Variants in KDM4C observed in about 807,000 individuals in gnomAD.
The protein encoded by KDM4C is lysine-specific demethylase 4C.
A neutral mutation model predicts 129.3 loss-of-function variants in KDM4C; 81 were observed. The ratio of observed to expected loss-of-function variants is 0.63; its 90% CI spans 0.52 to 0.75. KDM4C has a LOEUF of 0.75. Ranked by LOEUF, KDM4C falls within the 30% of genes least tolerant of loss-of-function variation. The pLI is 0.00. For synonymous variants in KDM4C, 573 were observed against 456.1 expected (o/e 1.26, Z -3.26); for missense variants, 1,457 against 1,304.0 (o/e 1.12, Z -1.81).
At chr9:7,074,825 A>T (rs928292941) in intron 17 of KDM4C, among the ~76,000 whole-genome samples, 6 of 152,256 alleles carry the variant, frequency 3.9e-5, no homozygotes, top group African/African-American at 1.4e-4. Flanking sequence ...TCCAGCATGG[A>T]CATGCTGATA....
At chr9:6,748,188 C>A (rs1300948665) in intron 1 of KDM4C, among the ~76,000 whole-genome samples, 1 of 147,770 alleles carries the variant, frequency 6.8e-6, no homozygotes, top group Non-Finnish European at 1.5e-5. Context: ...AACAAACAAA[C>A]AAAAAACAAC....
chr9:7,019,092 A>C (rs1824197380), intron 15 of KDM4C, among the ~76,000 whole-genome samples: 1 of 152,216 alleles, frequency 6.6e-6, no homozygotes, highest in African/African-American at 2.4e-5. Flanking sequence ...TCTGTTGAAA[A>C]AATAATTGAA....
chr9:7,047,103 G>C (rs969660447), intron 16 of KDM4C, among the ~76,000 whole-genome samples, 186 bp downstream of exon 16: 3 of 152,010 alleles, frequency 2.0e-5, no homozygotes, highest in African/African-American at 7.2e-5. Context: ...GGCAGGGCAA[G>C]AGCAGTCCAA....
In KDM4C at chr9:6,849,418, T is replaced by A. The variant is rs570859767; in HGVS notation, c.436-89T>A. 19 of 1,081,860 alleles carry A rather than the reference T, an allele frequency of 1.8e-5. No homozygotes were observed. The South Asian group carries it at 4.0e-4, about 22-fold the overall frequency. 67.0% of individuals were successfully genotyped at this position (1,081,860 alleles called of 1,614,324 possible). A position where few individuals can be genotyped will look rare whatever the true frequency, so the allele number is the denominator to read the frequency against. The stretch of plus-strand genomic sequence containing the variant: ...TAGTTAGAATATACAATGTAATAAT[T>A]TTGGTGGATAGTGGTTTGATTAGTA... On this transcript the variant is annotated intron_variant, in intron 4 of 21. Coordinates refer to ENST00000381309, the MANE Select transcript of KDM4C (RefSeq NM_015061.6).
intron 3 of KDM4C, among the ~76,000 whole-genome samples, chr9:6,806,378 C>T (rs977661033): frequency 2.0e-5 from 3 of 152,036 alleles, no homozygotes; most frequent in Admixed American, 6.6e-5. Context: ...CCTGTAATCC[C>T]AGCTACTCAG....
chr9:6,817,763 CTTTTTTT>C (rs146833868), intron 4 of KDM4C, among the ~76,000 whole-genome samples: 1 of 105,086 alleles, frequency 9.5e-6, no homozygotes, highest in East Asian at 2.6e-4. Context: ...CAGGAATAAC[CTTTTTTT>C]TTTTTTTTTT....
intron 19 of KDM4C, among the ~76,000 whole-genome samples, chr9:7,157,769 A>T (rs902265422): frequency 6.6e-6 from 1 of 152,206 alleles, no homozygotes; most frequent in Non-Finnish European, 1.5e-5. Context: ...TATTTTATTG[A>T]GGATTTTTGC....
intron 1 of KDM4C, among the ~76,000 whole-genome samples, chr9:6,787,162 A>C (rs1485167501): frequency 6.6e-6 from 1 of 152,176 alleles, no homozygotes; most frequent in Non-Finnish European, 1.5e-5. Context: ...GTCTAGGTTT[A>C]ATTCTAGTAG....
intron 8 of KDM4C, among the ~76,000 whole-genome samples, chr9:6,959,458 G>C (rs1202779720): frequency 2.0e-5 from 3 of 152,116 alleles, no homozygotes; most frequent in Admixed American, 6.6e-5. Flanking sequence ...TATTTTAAGT[G>C]TACTCACTCT....
chr9:7,072,844 C>T (rs1833391337), intron 17 of KDM4C, among the ~76,000 whole-genome samples: 1 of 152,122 alleles, frequency 6.6e-6, no homozygotes, highest in Admixed American at 6.5e-5. Flanking sequence ...AATCATTGTA[C>T]ATACTTATGG....
intron 17 of KDM4C, among the ~76,000 whole-genome samples, chr9:7,054,084 A>G (rs1013031547): frequency 2.0e-5 from 3 of 152,226 alleles, no homozygotes; most frequent in Non-Finnish European, 2.9e-5. Flanking sequence ...GGCAAGTCCT[A>G]TTACTGCAAA....
intron 8 of KDM4C, among the ~76,000 whole-genome samples, chr9:6,974,399 G>T: frequency 6.6e-6 from 1 of 152,000 alleles, no homozygotes; most frequent in South Asian, 2.1e-4. Flanking sequence ...TTACTCTGTC[G>T]TCCAGGCTGG....
Position 6,984,389 on chromosome 9 carries a change from C to A in KDM4C, c.1339C>A (p.His447Asn). The change falls in exon 10 of 22, where the codon CAT becomes AAT. Residue 447 changes from histidine (H) to asparagine (N), a missense_variant. Transcript: ENST00000381309. ...RMQVEQNLSD[H>N]IKLSGNSCLS... ...GCAGGTGGAGCAGAATTTATCAGATCATATCAAACTCTCAGGTGAGAAGAT... is the reference window on the plus strand; with the variant it reads ...GCAGGTGGAGCAGAATTTATCAGATAATATCAAACTCTCAGGTGAGAAGAT... 2 of 1,609,234 alleles carry A rather than the reference C, an allele frequency of 1.2e-6. No individual in the cohort carries two copies. Among genetic ancestry groups the A allele is most frequent in the South Asian group, 1.1e-5 (1 of 90,730 alleles).
intron 19 of KDM4C, among the ~76,000 whole-genome samples, chr9:7,130,933 T>G (rs1422729290): frequency 6.6e-6 from 1 of 151,066 alleles, no homozygotes; most frequent in East Asian, 2.0e-4. Flanking sequence ...TAATTTTTTT[T>G]TTTTTTTAAT....
chr9:7,136,804 G>A (rs1165286699), intron 19 of KDM4C, among the ~76,000 whole-genome samples: 1 of 152,118 alleles, frequency 6.6e-6, no homozygotes, highest in Non-Finnish European at 1.5e-5. Context: ...TGTATAAAGA[G>A]CAAAAGTTAT....
rs952059931 is a variant in KDM4C, at chr9:7,003,930, C to T, written c.1787-7768C>T. ...ACCCCACTACACCCCCCATTCCCTG[C>T]AGGATGTTTGAAACCATATATAAAT... On this transcript the variant is annotated intron_variant, in intron 12 of 21. Transcript: ENST00000381309. Among the ~76,000 whole-genome samples, 5 of 152,272 alleles carry T rather than the reference C, an allele frequency of 3.3e-5. 1 individual carries two copies. In the East Asian group the frequency reaches 9.6e-4, roughly 29 times the overall value.
intron 1 of KDM4C, among the ~76,000 whole-genome samples, chr9:6,725,323 A>AGT (rs71308873): frequency 0.26 from 39,496 of 150,280 alleles, 6,087 homozygotes; most frequent in African/African-American, 0.43. Flanking sequence ...GAGTGCATCT[A>AGT]GTGTGTGTGT....
intron 5 of KDM4C, among the ~76,000 whole-genome samples, chr9:6,855,285 C>T (rs142857061): frequency 1.1e-4 from 16 of 151,918 alleles, no homozygotes; most frequent in African/African-American, 3.4e-4. Flanking sequence ...ATAGTGAAAC[C>T]GCATCTGTAC....
intron 1 of KDM4C, among the ~76,000 whole-genome samples, chr9:6,732,541 C>T (rs1365439237): frequency 6.6e-6 from 1 of 151,812 alleles, no homozygotes; most frequent in East Asian, 1.9e-4. Flanking sequence ...AGCCACCGCA[C>T]CCAGCCAGAA....
Sources: gnomAD v4.1 joint callset for allele counts (sites outside exome capture counted in the v4.1 genomes callset) on GRCh38, gnomAD v4.1.1 for gene constraint, MANE v1.5 for transcripts, NCBI Gene and HGNC (gene_info 2026-07-23, HGNC 2026-07-21) for gene names.